The following VPS13C variants were observed in gnomAD, a reference collection of about 807,000 sequenced individuals.
The protein encoded by VPS13C is intermembrane lipid transfer protein VPS13C.
In VPS13C, 358 loss-of-function variants were observed where a neutral mutation model predicts 456.8. The observed-to-expected ratio is 0.78, with a 90% CI of 0.72 to 0.86. The LOEUF is 0.86. VPS13C is among the 40% of genes least tolerant of loss of function. The probability of loss-of-function intolerance (pLI) is 0.00; values close to 1 mark genes in which losing one functional copy is unlikely to be tolerated. For synonymous variants in VPS13C, 1,578 were observed against 1,486.7 expected, an observed-to-expected ratio of 1.06 and a Z score of -1.41; for missense variants, 4,818 against 4,385.4, an observed-to-expected ratio of 1.10 and a Z score of -2.79.
intron 1 of VPS13C, among the ~76,000 whole-genome samples, chr15:62,048,239 A>C (rs1022861147): frequency 8.8e-6 from 1 of 113,722 alleles, no homozygotes; most frequent in African/African-American, 2.8e-5. Flanking sequence ...ATATCTCCTA[A>C]TGCTATCCCT....
intron 47 of VPS13C, among the ~76,000 whole-genome samples, chr15:61,937,425 C>T (rs1442933599): frequency 6.6e-6 from 1 of 152,184 alleles, no homozygotes; most frequent in Non-Finnish European, 1.5e-5. Flanking sequence ...CTACCACTTT[C>T]AAGCTGTCTT....
intron 1 of VPS13C, among the ~76,000 whole-genome samples, chr15:62,058,941 A>T (rs939423885): frequency 6.9e-6 from 1 of 144,218 alleles, no homozygotes; most frequent in African/African-American, 2.9e-5. Context: ...AAAAAAAAAA[A>T]CAACAACAAC....
At chr15:61,934,748 T>C (rs2044169244) in intron 48 of VPS13C, among the ~76,000 whole-genome samples, 1 of 152,058 alleles carries the variant, frequency 6.6e-6, no homozygotes. Context: ...CTTTATTTTA[T>C]TTTATTTTAT....
intron 52 of VPS13C, among the ~76,000 whole-genome samples, chr15:61,925,876 T>A (rs2043829897): frequency 6.6e-6 from 1 of 152,190 alleles, no homozygotes; most frequent in African/African-American, 2.4e-5. Flanking sequence ...AAATATACCT[T>A]TGAAATATCT....
chr15:61,998,379 TA>T (rs2140448100), intron 16 of VPS13C, among the ~76,000 whole-genome samples: 1 of 152,286 alleles, frequency 6.6e-6, no homozygotes, highest in South Asian at 2.1e-4. Flanking sequence ...ACAATATAAA[TA>T]AAAGATTTTT....
intron 62 of VPS13C, 54 bp downstream of exon 62, chr15:61,913,257 G>C: frequency 1.3e-6 from 2 of 1,504,960 alleles, no homozygotes; most frequent in Non-Finnish European, 1.8e-6. Flanking sequence ...CTTGTTTGTT[G>C]AACTGTAGCA....
At chr15:61,965,028 C>A (rs943423866) in intron 30 of VPS13C, among the ~76,000 whole-genome samples, 167 bp from the exon 31 acceptor site, 2 of 151,848 alleles carry the variant, frequency 1.3e-5, no homozygotes, top group African/African-American at 4.8e-5. Context: ...AGGGAATATA[C>A]AGAGAAAAAT....
intron 3 of VPS13C, among the ~76,000 whole-genome samples, chr15:62,037,342 A>ATATTGTATT (rs1215643019): frequency 1.1e-5 from 1 of 89,758 alleles, no homozygotes; most frequent in East Asian, 2.6e-4. Context: ...ATTTATATAT[A>ATATTGTATT]ATATATTATA....
Position 62,060,284 on chromosome 15 carries a change from TGCCCA to T in VPS13C, c.86_90del (p.Leu29HisfsTer10). ...GCGCCCTCTCGCTTACCGCCCCAGA[TGCCCA>T]GCTTCAGCTGGGACTTGTTCAGGTT... On this transcript the variant is annotated frameshift_variant, in exon 1 of 85. Coordinates refer to ENST00000644861, the MANE Select transcript of VPS13C (RefSeq NM_020821.3). LOFTEE classifies it high-confidence loss of function. 1 of 1,604,692 alleles carries T rather than the reference TGCCCA, an allele frequency of 6.2e-7. No individual in the cohort carries two copies. Among genetic ancestry groups the T allele is most frequent in the Non-Finnish European group, 8.5e-7 (1 of 1,176,074 alleles).
At chr15:61,860,223 A>T (rs1894144661) in intron 82 of VPS13C, among the ~76,000 whole-genome samples, 1 of 152,206 alleles carries the variant, frequency 6.6e-6, no homozygotes. Flanking sequence ...AGATGATGAT[A>T]TATTAAAAGG....
chr15:62,043,332 C>T (rs2048300576), intron 2 of VPS13C, among the ~76,000 whole-genome samples: 1 of 152,202 alleles, frequency 6.6e-6, no homozygotes, highest in Admixed American at 6.5e-5. Flanking sequence ...AGGCTGGGCG[C>T]AGTGGCTCCA....
At chr15:61,865,792 A>ATG (rs68013788) in intron 81 of VPS13C, 28 of 770,132 alleles carry the variant, frequency 3.6e-5, no homozygotes, top group Middle Eastern at 6.6e-4. Context: ...GTGTATATAT[A>ATG]TGTGTGTGTG....
intron 18 of VPS13C, among the ~76,000 whole-genome samples, chr15:61,988,526 A>G (rs948764685): frequency 2.6e-4 from 40 of 152,316 alleles, no homozygotes; most frequent in African/African-American, 9.1e-4. Flanking sequence ...ATTCTCCCCA[A>G]ATTAATTTAT....
At chr15:61,933,340 T>C (rs1049201196) in intron 49 of VPS13C, among the ~76,000 whole-genome samples, 1 of 152,150 alleles carries the variant, frequency 6.6e-6, no homozygotes, top group East Asian at 1.9e-4. Flanking sequence ...GTTCATTGCA[T>C]AAATAACAGA....
chr15:62,042,097 T>C (rs970220869), intron 2 of VPS13C, among the ~76,000 whole-genome samples: 1 of 152,196 alleles, frequency 6.6e-6, no homozygotes, highest in Non-Finnish European at 1.5e-5. Context: ...AAATATTTAG[T>C]AAATGAATAA....
At chr15:62,043,912 T>C (rs2048319727) in intron 2 of VPS13C, among the ~76,000 whole-genome samples, 1 of 152,120 alleles carries the variant, frequency 6.6e-6, no homozygotes, top group Non-Finnish European at 1.5e-5. Flanking sequence ...ATCTCAAAAA[T>C]ACGTAAAGAC....
chr15:61,874,571 C>T (rs1172833476), intron 77 of VPS13C, among the ~76,000 whole-genome samples: 2 of 151,872 alleles, frequency 1.3e-5, no homozygotes, highest in South Asian at 2.1e-4. Context: ...CTAATAGGTG[C>T]TTAAAATTCT....
At chr15:61,881,473 G>A (rs1895843454) in intron 71 of VPS13C, 90 bp downstream of exon 71, 5 of 1,321,330 alleles carry the variant, frequency 3.8e-6, no homozygotes, top group Non-Finnish European at 5.1e-6. Context: ...CTTTTTACAT[G>A]AAAGTCACTT....
intron 82 of VPS13C, chr15:61,856,687 C>CTTTTTTTT (rs542779595): frequency 1.6e-4 from 18 of 114,802 alleles, no homozygotes; most frequent in Admixed American, 5.0e-4. Flanking sequence ...TTTTTCTTTT[C>CTTTTTTTT]TTTTTTTTTT....
Sources: allele counts gnomAD v4.1 joint callset (sites outside exome capture counted in the v4.1 genomes callset), GRCh38; gene constraint gnomAD v4.1.1; transcripts MANE v1.5; gene names NCBI Gene and HGNC (gene_info 2026-07-23, HGNC 2026-07-21).